SPATA17: variants seen among roughly 807,000 people sequenced by gnomAD.
SPATA17 encodes spermatogenesis-associated protein 17.
Under a neutral mutation model 62.2 loss-of-function variants are expected in SPATA17, and 53 were observed. The observed-to-expected ratio is 0.85, with a 90% CI of 0.68 to 1.07. SPATA17 has a LOEUF of 1.07. Among genes scored for constraint, SPATA17 ranks in the 50% least tolerant of loss-of-function variants. The pLI, the probability that SPATA17 is intolerant of heterozygous loss-of-function variation, is 0.00. For synonymous variants in SPATA17, 146 were observed against 146.8 expected, an observed-to-expected ratio of 0.99 and a Z score of 0.04; for missense variants, 466 against 425.5, an observed-to-expected ratio of 1.10 and a Z score of -0.84.
chr1:217,772,487 A>T (rs1448696196), intron 6 of SPATA17, among the ~76,000 whole-genome samples: 1 of 152,232 alleles, frequency 6.6e-6, no homozygotes, highest in African/African-American at 2.4e-5. Context: ...GGTGACTCAA[A>T]TAGGTCTTTG....
intron 3 of SPATA17, among the ~76,000 whole-genome samples, chr1:217,655,478 G>C (rs1488193123): frequency 6.6e-6 from 1 of 152,062 alleles, no homozygotes; most frequent in Non-Finnish European, 1.5e-5. Context: ...CTCATGAGGG[G>C]ATATTTAAAT....
intron 9 of SPATA17, among the ~76,000 whole-genome samples, chr1:217,859,630 C>T (rs1675858057): frequency 6.6e-6 from 1 of 152,102 alleles, no homozygotes; most frequent in African/African-American, 2.4e-5. Context: ...TGGTCTCAAA[C>T]TCCTGAGCTA....
chr1:217,801,529 A>G (rs1411665936), intron 8 of SPATA17, among the ~76,000 whole-genome samples, 189 bp from the exon 9 acceptor site: 1 of 152,226 alleles, frequency 6.6e-6, no homozygotes, highest in Non-Finnish European at 1.5e-5. Flanking sequence ...TTTGCAGAAT[A>G]GAAAATAAAG....
chr1:217,803,307 G>C (rs1233684143), intron 9 of SPATA17, among the ~76,000 whole-genome samples: 2 of 152,084 alleles, frequency 1.3e-5, no homozygotes, highest in East Asian at 3.9e-4. Context: ...ATCCACACTG[G>C]AAAGGAAGAC....
At chr1:217,783,890 G>GT (rs1393753946) in intron 8 of SPATA17, among the ~76,000 whole-genome samples, 8 of 152,012 alleles carry the variant, frequency 5.3e-5, no homozygotes, top group African/African-American at 1.9e-4. Flanking sequence ...CTTCCACAGT[G>GT]TTGCTGATGA....
chr1:217,729,323 A>G (rs1254516178), intron 5 of SPATA17, among the ~76,000 whole-genome samples: 1 of 152,188 alleles, frequency 6.6e-6, no homozygotes. Context: ...TCCCTATTTC[A>G]AGGACATGAG....
At chr1:217,719,313 A>G (rs972306835) in intron 5 of SPATA17, among the ~76,000 whole-genome samples, 1 of 151,974 alleles carries the variant, frequency 6.6e-6, no homozygotes, top group Non-Finnish European at 1.5e-5. Flanking sequence ...CTCATTTTCT[A>G]TTTTTCCTAA....
At chr1:217,770,917 T>A (rs903501036) in intron 6 of SPATA17, among the ~76,000 whole-genome samples, 2 of 147,462 alleles carry the variant, frequency 1.4e-5, no homozygotes, top group African/African-American at 5.0e-5. Context: ...TAAGTTCCCA[T>A]GATGGAGAGT....
chr1:217,748,678 AG>A (rs1188538332), intron 6 of SPATA17, among the ~76,000 whole-genome samples: 3 of 144,864 alleles, frequency 2.1e-5, no homozygotes, highest in Admixed American at 1.4e-4. Context: ...TGGGAGGCAG[AG>A]GTTGCAGTGA....
intron 4 of SPATA17, among the ~76,000 whole-genome samples, chr1:217,678,021 T>G (rs1389714355): frequency 6.6e-6 from 1 of 152,084 alleles, no homozygotes; most frequent in African/African-American, 2.4e-5. Flanking sequence ...CTTTGAAGAT[T>G]TAGTAAACCC....
At chr1:217,790,434 A>C (rs868833185) in intron 8 of SPATA17, among the ~76,000 whole-genome samples, 2 of 152,018 alleles carry the variant, frequency 1.3e-5, no homozygotes, top group Non-Finnish European at 2.9e-5. Context: ...AAAGTAAGTA[A>C]ATTACTCACT....
intron 6 of SPATA17, among the ~76,000 whole-genome samples, chr1:217,768,681 A>G (rs1673362558): frequency 6.6e-6 from 1 of 151,816 alleles, no homozygotes; most frequent in South Asian, 2.1e-4. Context: ...TTTGGTAGAG[A>G]TGGGGTTTCA....
chr1:217,850,576 T>C, intron 9 of SPATA17: 1 of 1,596,298 alleles, frequency 6.3e-7, no homozygotes, highest in East Asian at 2.2e-5. Context: ...ATGGTGTCAC[T>C]GGGCTCCACT....
chr1:217,779,080 G>A (rs1266731428), intron 7 of SPATA17, among the ~76,000 whole-genome samples: 2 of 150,166 alleles, frequency 1.3e-5, no homozygotes, highest in Non-Finnish European at 1.5e-5. Flanking sequence ...CAGCCCATAT[G>A]GAAGATATAT....
chr1:217,744,002 A>T (rs1308043523), intron 6 of SPATA17, among the ~76,000 whole-genome samples: 2 of 151,836 alleles, frequency 1.3e-5, no homozygotes, highest in Admixed American at 6.5e-5. Flanking sequence ...TGATTTAGAA[A>T]GTCCATGAAG....
At chr1:217,702,840 G>T (rs1252256907) in intron 5 of SPATA17, among the ~76,000 whole-genome samples, 3 of 151,718 alleles carry the variant, frequency 2.0e-5, no homozygotes, top group Non-Finnish European at 4.4e-5. Flanking sequence ...ATAAAATTCT[G>T]AGATGACAAA....
Position 217,774,367 on chromosome 1 carries a change from G to T in SPATA17, c.553G>T (p.Glu185Ter). ...AATATACAATTCACCCTTCAGAAAA[G>T]AGCCTGATCCATGGGAGCTGCAATT... is the stretch of plus-strand genomic sequence containing the variant. The part of the protein sequence containing the change: ...PGIYNSPFRK[E>*]PDPWELQLQK... The change falls in exon 7 of 11, where the codon GAG becomes TAG. Residue 185 changes from glutamate (E) to a stop codon, truncating the protein, a stop_gained. Coordinates refer to ENST00000366933, the MANE Select transcript of SPATA17 (RefSeq NM_138796.4). LOFTEE classifies it high-confidence loss of function. 6.2e-7 allele frequency: 1 copy of T among 1,613,872 alleles called. No homozygotes were observed. Among genetic ancestry groups the T allele is most frequent in the Non-Finnish European group, 8.5e-7 (1 of 1,179,898 alleles).
intron 3 of SPATA17, among the ~76,000 whole-genome samples, chr1:217,660,767 A>G (rs1240986126): frequency 6.6e-6 from 1 of 152,238 alleles, no homozygotes; most frequent in Non-Finnish European, 1.5e-5. Flanking sequence ...ACCTTAGCTC[A>G]CATGTAGTGT....
At chr1:217,731,813 G>A (rs1221770942) in intron 5 of SPATA17, among the ~76,000 whole-genome samples, 1 of 152,044 alleles carries the variant, frequency 6.6e-6, no homozygotes, top group African/African-American at 2.4e-5. Flanking sequence ...ATGTTAACAT[G>A]TATTTTAGAT....
Sources: allele counts gnomAD v4.1 joint callset (sites outside exome capture counted in the v4.1 genomes callset), GRCh38; gene constraint gnomAD v4.1.1; transcripts MANE v1.5; gene names NCBI Gene and HGNC (gene_info 2026-07-23, HGNC 2026-07-21).